The following PRDM16 variants were observed in gnomAD, a reference collection of about 807,000 sequenced individuals.
The protein encoded by PRDM16 is histone-lysine N-methyltransferase PRDM16.
PRDM16 carries 23 observed loss-of-function variants against 110.6 expected under a neutral mutation model. The observed-to-expected ratio is 0.21, with a 90% CI of 0.15 to 0.29. PRDM16 has a LOEUF of 0.29. Ranked by LOEUF, PRDM16 falls within the 10% of genes least tolerant of loss-of-function variation. The pLI, the probability that PRDM16 is intolerant of heterozygous loss-of-function variation, is 1.00. For synonymous variants in PRDM16, 799 were observed against 781.8 expected (o/e 1.02, Z -0.37); for missense variants, 1,615 against 1,794.3 (o/e 0.90, Z 1.81).
intron 2 of PRDM16, among the ~76,000 whole-genome samples, chr1:3,223,518 G>A (rs1471306865): frequency 6.6e-5 from 10 of 152,314 alleles, no homozygotes; most frequent in South Asian, 4.1e-4. Context: ...TGGCAAGAGG[G>A]AGAAAGACTG....
chr1:3,348,403 G>GTGGAGAA (rs1642407345), intron 3 of PRDM16, among the ~76,000 whole-genome samples: 1 of 152,348 alleles, frequency 6.6e-6, no homozygotes, highest in South Asian at 2.1e-4. Context: ...AGAGTGGAGA[G>GTGGAGAA]AGGCCAGCGG....
intron 3 of PRDM16, among the ~76,000 whole-genome samples, chr1:3,284,313 A>G (rs1640800144): frequency 6.6e-6 from 1 of 152,196 alleles, no homozygotes; most frequent in Non-Finnish European, 1.5e-5. Flanking sequence ...TTTTATGTAA[A>G]CTGAGTGGTT....
In PRDM16 at chr1:3,420,947, C is replaced by G. The variant is rs894001553; in HGVS notation, c.2939+2203C>G. 2.0e-5 allele frequency among the ~76,000 whole-genome samples: 3 copies of G among 151,980 alleles called. No individual in the cohort carries two copies. In the East Asian group the frequency reaches 5.8e-4, roughly 30 times the overall value. On this transcript the variant is annotated intron_variant, in intron 12 of 16. Coordinates refer to ENST00000270722, the MANE Select transcript of PRDM16 (RefSeq NM_022114.4). ...GGCTGCCCGGGACTCCTGCTGGGAC[C>G]GAGATTCCTGCCTCAGGGCTGCTGA...
At chr1:3,225,531 T>C (rs1276795476) in intron 2 of PRDM16, among the ~76,000 whole-genome samples, 1 of 5,870 alleles carries the variant, frequency 1.7e-4, no homozygotes, top group African/African-American at 3.0e-4. Flanking sequence ...GCAGCTTGCC[T>C]GTGTGTGTGT....
chr1:3,313,112 C>G (rs1017554754), intron 3 of PRDM16, among the ~76,000 whole-genome samples: 5 of 152,238 alleles, frequency 3.3e-5, no homozygotes, highest in Admixed American at 2.6e-4. Flanking sequence ...CACTGGGCAG[C>G]CTTCTCCGAA....
chr1:3,085,666 G>A (rs1473979483), intron 1 of PRDM16, among the ~76,000 whole-genome samples: 1 of 152,214 alleles, frequency 6.6e-6, no homozygotes, highest in African/African-American at 2.4e-5. Flanking sequence ...CCTTTAGGAC[G>A]CCCAGCATCC....
rs966520363 is a variant in PRDM16 at position 3,436,405 on chromosome 1, C to T, written c.*2594C>T. ...TGGCGCTCTTTCCTTCCACCTTTCC[C>T]AAGAGTCCTGGTTGCACGTTTTAAG... On this transcript the variant is annotated 3_prime_UTR_variant, in exon 17 of 17. Coordinates refer to ENST00000270722, the MANE Select transcript of PRDM16 (RefSeq NM_022114.4). 1 of 230,690 alleles carries T rather than the reference C, an allele frequency of 4.3e-6. No homozygotes were observed. The highest frequency in any genetic ancestry group is 2.2e-5 in the African/African-American group (1 of 45,278). The allele number at this position is 230,690 out of a possible 1,614,324, so 14.3% of individuals were successfully genotyped here. A position where few individuals can be genotyped will look rare whatever the true frequency, so the allele number is the denominator to read the frequency against.
At position 3,402,791 on chromosome 1, in the gene PRDM16, A is replaced by G; in HGVS notation, c.677A>G (p.Glu226Gly). The stretch of plus-strand genomic sequence containing the variant: ...CACCACCTCGTTCTCTCTCTTGCAG[A>G]GGAGCCCACGTTCCGCTGTGACGAG... ...PLGTVPPGLD[E>G]EPTFRCDECD... Residue 226 changes from glutamate to glycine, a missense_variant and splice_region_variant, in exon 6 of 17, where the codon GAG becomes GGG. This residue lies in a region of PRDM16 where 416 missense variants were observed against 467.1 expected (regional missense o/e 0.89). Coordinates refer to ENST00000270722, the MANE Select transcript of PRDM16 (RefSeq NM_022114.4). The G allele has an allele frequency of 6.2e-7, 1 of 1,609,406 alleles. No individual in the cohort carries two copies. The highest frequency in any genetic ancestry group is 8.5e-7 in the Non-Finnish European group (1 of 1,176,996).
intron 1 of PRDM16, among the ~76,000 whole-genome samples, chr1:3,173,401 CT>C (rs1274307122): frequency 6.6e-6 from 1 of 152,234 alleles, no homozygotes; most frequent in Non-Finnish European, 1.5e-5. Flanking sequence ...AATGGGAACG[CT>C]GCTGTCCCCG....
Position 3,433,795 on chromosome 1 carries a change from C to G in PRDM16, c.3815C>G (p.Pro1272Arg), listed in dbSNP as rs1272247581. 2 of 1,613,516 alleles carry G rather than the reference C, an allele frequency of 1.2e-6. No homozygotes were observed. The highest frequency in any genetic ancestry group is 1.7e-5 in the Admixed American group (1 of 60,030). Reference sequence around the variant, plus strand: ...ACGTCGGAGTCTGGAGCATTTCACCCCATCAACCACCTCTGACGGGCTGGG... The same window carrying G: ...ACGTCGGAGTCTGGAGCATTTCACCGCATCAACCACCTCTGACGGGCTGGG... ...GATSESGAFH[P>R]INHL Residue 1272 changes from proline to arginine, a missense_variant, in exon 17 of 17, where the codon CCC becomes CGC. By Grantham distance (103) the Pro-to-Arg change is moderately radical. This residue lies in a region of PRDM16 where 327 missense variants were observed against 359.3 expected (regional missense o/e 0.91). Transcript: ENST00000270722.
intron 1 of PRDM16, among the ~76,000 whole-genome samples, chr1:3,119,048 C>T (rs1010683020): frequency 6.6e-6 from 1 of 152,076 alleles, no homozygotes; most frequent in African/African-American, 2.4e-5. Flanking sequence ...TGGGGGTGGC[C>T]CGGGAGGTGG....
In PRDM16 at chr1:3,328,957, C is replaced by T. The variant is rs61451238; in HGVS notation, c.439-56195C>T. On this transcript the variant is annotated intron_variant, in intron 3 of 16. Transcript: ENST00000270722. ...TGCCGGGGGAGGGCACCAATGCTGG[C>T]GGGTAGGGAACTCCCCAGCCCCTCC... Among the ~76,000 whole-genome samples the T allele has an allele frequency of 4.6e-5, 7 of 152,274 alleles. No homozygotes were observed. The South Asian group carries it at 6.2e-4, about 14-fold the overall frequency.
chr1:3,195,740 G>A (rs1173720373), intron 2 of PRDM16, among the ~76,000 whole-genome samples: 4 of 152,188 alleles, frequency 2.6e-5, no homozygotes, highest in Non-Finnish European at 5.9e-5. Flanking sequence ...CTGCGTGGGG[G>A]CGTGGCCCAG....
At chr1:3,137,554 C>G (rs1384034319) in intron 1 of PRDM16, among the ~76,000 whole-genome samples, 6 of 152,184 alleles carry the variant, frequency 3.9e-5, no homozygotes, top group Non-Finnish European at 7.3e-5. Context: ...TGGCAAGGTC[C>G]CGAAGAACCG....
chr1:3,223,292 G>A (rs537374923), intron 2 of PRDM16, among the ~76,000 whole-genome samples: 25 of 152,068 alleles, frequency 1.6e-4, no homozygotes, highest in Non-Finnish European at 2.6e-4. Flanking sequence ...TGTTGATTAC[G>A]GAGTTGCTAT....
intron 3 of PRDM16, among the ~76,000 whole-genome samples, chr1:3,328,513 C>T (rs544755549): frequency 7.2e-4 from 109 of 152,248 alleles, no homozygotes; most frequent in Non-Finnish European, 1.2e-3. Context: ...GGGAAGCAGG[C>T]GGAGACCCTG....
intron 3 of PRDM16, among the ~76,000 whole-genome samples, chr1:3,266,469 G>C (rs999298509): frequency 2.6e-5 from 4 of 152,110 alleles, no homozygotes; most frequent in Non-Finnish European, 5.9e-5. Flanking sequence ...GGGGAGGACC[G>C]AGCGGTTCGC....
chr1:3,380,640 C>T (rs796156027), intron 3 of PRDM16, among the ~76,000 whole-genome samples: 7 of 152,280 alleles, frequency 4.6e-5, no homozygotes, highest in African/African-American at 1.7e-4. Flanking sequence ...AGAAACCAGC[C>T]GTGTCCCTGT....
At chr1:3,072,517 TGCTC>T (rs1376350257) in intron 1 of PRDM16, among the ~76,000 whole-genome samples, 2 of 152,324 alleles carry the variant, frequency 1.3e-5, no homozygotes, top group African/African-American at 4.8e-5. Flanking sequence ...GTGTGTGTCT[TGCTC>T]GTGTTTGAGG....
Sources: gnomAD v4.1 joint callset for allele counts (sites outside exome capture counted in the v4.1 genomes callset) on GRCh38, gnomAD v4.1.1 for gene constraint, gnomAD v4.1.1 regional missense constraint, MANE v1.5 for transcripts, NCBI Gene and HGNC (gene_info 2026-07-23, HGNC 2026-07-21) for gene names.